Variants in PAQR5 observed in about 807,000 individuals in gnomAD.
The protein encoded by PAQR5 is membrane progestin receptor gamma.
A neutral mutation model predicts 34.5 loss-of-function variants in PAQR5; 20 were observed. The observed-to-expected ratio is 0.58, with a 90% CI of 0.41 to 0.84. The LOEUF (loss-of-function observed/expected upper bound fraction) is 0.84. Ranked by LOEUF, PAQR5 falls within the 40% of genes least tolerant of loss-of-function variation. The pLI is 0.00. For synonymous variants in PAQR5, 131 were observed against 155.6 expected (o/e 0.84, Z 1.18); for missense variants, 378 against 412.7 (o/e 0.92, Z 0.73).
intron 4 of PAQR5, 40 bp from the exon 5 acceptor site, chr15:69,384,637 G>T (rs1434468857): frequency 1.4e-6 from 2 of 1,458,076 alleles, no homozygotes; most frequent in Admixed American, 3.3e-5. Context: ...CGGGCCCTCT[G>T]TGTTCATGGT....
chr15:69,308,646 G>C (rs1359910461), intron 1 of PAQR5, among the ~76,000 whole-genome samples: 5 of 152,144 alleles, frequency 3.3e-5, no homozygotes, highest in Non-Finnish European at 5.9e-5. Flanking sequence ...ATTGGTCTAA[G>C]GGTCAAAAAG....
intron 4 of PAQR5, chr15:69,380,413 G>A (rs2055850193): frequency 5.6e-6 from 1 of 179,772 alleles, no homozygotes; most frequent in Admixed American, 5.6e-5. Context: ...AAGCAGGAGT[G>A]ATGGTCCGCA....
In PAQR5 at chr15:69,391,552, C is replaced by T. The variant is rs183984148; in HGVS notation, c.512+1772C>T. 276 of 414,876 alleles carry T rather than the reference C, an allele frequency of 6.7e-4. 1 individual carries two copies. Among genetic ancestry groups the T allele is most frequent in the African/African-American group, 5.4e-3 (260 of 48,316 alleles). The allele number at this position is 414,876 out of a possible 1,614,324, so 25.7% of individuals were successfully genotyped here. On this transcript the variant is annotated intron_variant, in intron 6 of 8. Coordinates refer to ENST00000395407, the MANE Select transcript of PAQR5 (RefSeq NM_017705.4). ...AGTCCAGCAGAGATGAAGCAAGCCC[C>T]GGAGACCTGGGTGCATGGGCTTGTG...
chr15:69,306,931 T>A (rs1421529598), intron 1 of PAQR5, among the ~76,000 whole-genome samples: 2 of 152,186 alleles, frequency 1.3e-5, no homozygotes, highest in African/African-American at 4.8e-5. Flanking sequence ...GTAAGTGGAA[T>A]CATGCTGCAC....
At chr15:69,390,833 T>G (rs2056246512) in intron 6 of PAQR5, among the ~76,000 whole-genome samples, 1 of 152,148 alleles carries the variant, frequency 6.6e-6, no homozygotes, top group African/African-American at 2.4e-5. Context: ...CCCACTGTTT[T>G]TTTTTTTTTT....
At chr15:69,341,927 CAAAA>C (rs71149907) in intron 2 of PAQR5, among the ~76,000 whole-genome samples, 1 of 135,122 alleles carries the variant, frequency 7.4e-6, no homozygotes, top group African/African-American at 2.8e-5. Context: ...GACCCTGTCT[CAAAA>C]AAAAAAAAAA....
chr15:69,302,900 A>G (rs2053636216), intron 1 of PAQR5, among the ~76,000 whole-genome samples: 1 of 152,162 alleles, frequency 6.6e-6, no homozygotes. Context: ...CAGAGTCTCT[A>G]AGCTGGACTA....
chr15:69,381,093 G>A (rs2055873328), intron 4 of PAQR5, among the ~76,000 whole-genome samples: 1 of 152,228 alleles, frequency 6.6e-6, no homozygotes, highest in African/African-American at 2.4e-5. Context: ...GGCAGCCCTG[G>A]GCCTGCGGAC....
At chr15:69,340,775 A>G (rs142385789) in intron 2 of PAQR5, among the ~76,000 whole-genome samples, 251 of 152,312 alleles carry the variant, frequency 1.6e-3, no homozygotes, top group African/African-American at 5.7e-3. Context: ...ACCTCAAGCA[A>G]GTCATTTCCT....
intron 8 of PAQR5, among the ~76,000 whole-genome samples, chr15:69,402,841 G>A (rs148397039): frequency 0.012 from 1,780 of 152,258 alleles, 92 homozygotes; most frequent in Admixed American, 0.096. Flanking sequence ...AGCTGCCCCC[G>A]ACCCTAGGCA....
chr15:69,350,928 T>A (rs2054901669), intron 2 of PAQR5, among the ~76,000 whole-genome samples: 1 of 152,242 alleles, frequency 6.6e-6, no homozygotes. Context: ...TTTCATGGAC[T>A]GCTAGACACC....
intron 2 of PAQR5, among the ~76,000 whole-genome samples, chr15:69,344,488 A>G (rs1223953206): frequency 6.6e-6 from 1 of 152,230 alleles, no homozygotes; most frequent in Admixed American, 6.5e-5. Context: ...GTGTGAGTTT[A>G]TGATTTGTCT....
At chr15:69,328,545 G>A (rs1224446678) in intron 1 of PAQR5, among the ~76,000 whole-genome samples, 1 of 152,176 alleles carries the variant, frequency 6.6e-6, no homozygotes. Context: ...AGGCTGCCAG[G>A]GAAGTGGCCA....
chr15:69,399,145 A>T (rs183651660), intron 7 of PAQR5, among the ~76,000 whole-genome samples: 1 of 152,312 alleles, frequency 6.6e-6, no homozygotes, highest in East Asian at 1.9e-4. Flanking sequence ...ATACTTTTGG[A>T]TGACTCAGAA....
At chr15:69,386,638 G>T (rs1169801404) in intron 5 of PAQR5, among the ~76,000 whole-genome samples, 2 of 151,166 alleles carry the variant, frequency 1.3e-5, no homozygotes, top group African/African-American at 2.4e-5. Flanking sequence ...CCTCCCCTGG[G>T]CTGGCTCCCC....
chr15:69,390,352 A>ATTTTT lies in PAQR5; in HGVS notation c.512+575_512+576insTTTTT, dbSNP rs1270003563. 3.1e-3 allele frequency among the ~76,000 whole-genome samples: 392 copies of ATTTTT among 128,172 alleles called. 19 individuals carry two copies. The highest frequency in any genetic ancestry group is 4.1e-3 in the Non-Finnish European group (244 of 59,422). 84.1% of individuals were successfully genotyped at this position (128,172 alleles called of 152,430 possible). A position where few individuals can be genotyped will look rare whatever the true frequency, so the allele number is the denominator to read the frequency against. On this transcript the variant is annotated intron_variant, in intron 6 of 8. Coordinates refer to ENST00000395407, the MANE Select transcript of PAQR5 (RefSeq NM_017705.4). ...TATTTATTTATTTATTTATTTATTT[A>ATTTTT]TTTATTTATTTTTTTGAGACAGGGT...
intron 3 of PAQR5, among the ~76,000 whole-genome samples, chr15:69,366,912 G>T (rs1449979293): frequency 6.6e-6 from 1 of 151,760 alleles, no homozygotes; most frequent in Non-Finnish European, 1.5e-5. Context: ...TCCCGATGTT[G>T]CAAAGGTATG....
rs1488777529 is a variant in PAQR5, at chr15:69,406,641, G to A, written c.*2819G>A. On this transcript the variant is annotated 3_prime_UTR_variant, in exon 9 of 9. Transcript: ENST00000395407. The stretch of plus-strand genomic sequence containing the variant: ...CCCAGCACTTTGGGAGGCTGAAGTG[G>A]GAGGACTGCTTGGGCCCAAGAATTC... 6.6e-6 allele frequency: 1 copy of A among 152,282 alleles called. No homozygotes were observed. The highest frequency in any genetic ancestry group is 1.5e-5 in the Non-Finnish European group (1 of 68,110). The allele number at this position is 152,282 out of a possible 1,614,324, so 9.4% of individuals were successfully genotyped here. A position where few individuals can be genotyped will look rare whatever the true frequency, so the allele number is the denominator to read the frequency against.
chr15:69,350,102 G>C (rs971661444), intron 2 of PAQR5, among the ~76,000 whole-genome samples: 24 of 152,250 alleles, frequency 1.6e-4, no homozygotes, highest in Non-Finnish European at 2.5e-4. Flanking sequence ...AATTGGAAAA[G>C]TTAAATGCAG....
Sources: allele counts gnomAD v4.1 joint callset (sites outside exome capture counted in the v4.1 genomes callset), GRCh38; gene constraint gnomAD v4.1.1; transcripts MANE v1.5; gene names NCBI Gene and HGNC (gene_info 2026-07-23, HGNC 2026-07-21).